The following ANKRD27 variants were observed in gnomAD, a reference collection of about 807,000 sequenced individuals.
The protein encoded by ANKRD27 is ankyrin repeat domain 27, also known as ankyrin repeat domain-containing protein 27.
In ANKRD27, 112 loss-of-function variants were observed where a neutral mutation model predicts 129.7. The ratio of observed to expected loss-of-function variants is 0.86; its 90% CI spans 0.74 to 1.01. The LOEUF is 1.01. Ranked by LOEUF, ANKRD27 falls within the 50% of genes least tolerant of loss-of-function variation. The pLI, the probability that ANKRD27 is intolerant of heterozygous loss-of-function variation, is 0.00. For synonymous variants in ANKRD27, 516 were observed against 511.2 expected (o/e 1.01, Z -0.13); for missense variants, 1,258 against 1,300.5 (o/e 0.97, Z 0.50).
At chr19:32,599,639 T>C (rs1971620976) in intron 28 of ANKRD27, 65 bp downstream of exon 28, 6 of 1,433,154 alleles carry the variant, frequency 4.2e-6, no homozygotes, top group East Asian at 4.5e-5. Flanking sequence ...GTGTTTACCA[T>C]GGATTACTTT....
rs3760944 is a variant in ANKRD27 at position 32,640,226 on chromosome 19, G to A, written c.983+81C>T. ...GATCCGCCCGCCTTGGCCTCCCAAA[G>A]TGCTGGGATTACAGGCGTGAGCCAC... On this transcript the variant is annotated intron_variant, in intron 11 of 28. Transcript: ENST00000306065. 722 of 1,140,776 alleles carry A rather than the reference G, an allele frequency of 6.3e-4. 9 individuals are homozygous for A. In the East Asian group the frequency reaches 0.016, roughly 25 times the overall value. The allele number at this position is 1,140,776 out of a possible 1,614,324, so 70.7% of individuals were successfully genotyped here. A position where few individuals can be genotyped will look rare whatever the true frequency, so the allele number is the denominator to read the frequency against.
At chr19:32,606,265 G>A (rs2145259704) in intron 23 of ANKRD27, among the ~76,000 whole-genome samples, 1 of 150,584 alleles carries the variant, frequency 6.6e-6, no homozygotes, top group South Asian at 2.1e-4. Context: ...TGATTCTCAC[G>A]CCTCAGCCTC....
At chr19:32,649,108 A>T (rs1967360681) in intron 3 of ANKRD27, among the ~76,000 whole-genome samples, 1 of 151,912 alleles carries the variant, frequency 6.6e-6, no homozygotes, top group South Asian at 2.1e-4. Flanking sequence ...CTAGGACTAG[A>T]AGCACGCACC....
At chr19:32,639,159 C>T in intron 12 of ANKRD27, 197 bp downstream of exon 12, 1 of 605,420 alleles carries the variant, frequency 1.7e-6, no homozygotes, top group Non-Finnish European at 2.8e-6. Flanking sequence ...AATGATAACC[C>T]ACCAATTTTT....
At chr19:32,644,895 T>C (rs1193566165) in intron 4 of ANKRD27, among the ~76,000 whole-genome samples, 2 of 152,196 alleles carry the variant, frequency 1.3e-5, no homozygotes, top group Non-Finnish European at 2.9e-5. Flanking sequence ...CTGCTTTGCA[T>C]AACTCATGGG....
intron 28 of ANKRD27, 33 bp from the exon 29 acceptor site, chr19:32,598,411 T>A: frequency 6.2e-7 from 1 of 1,604,568 alleles, no homozygotes; most frequent in Non-Finnish European, 8.5e-7. Flanking sequence ...ACCGTTGACG[T>A]CCTCACTGTA....
intron 1 of ANKRD27, among the ~76,000 whole-genome samples, chr19:32,659,328 C>T (rs372498307): frequency 6.6e-6 from 1 of 151,926 alleles, no homozygotes; most frequent in Admixed American, 6.6e-5. Context: ...GTGATCTGCC[C>T]GCCTCAGCCT....
At position 32,639,456 on chromosome 19, in the gene ANKRD27, C is replaced by G; in HGVS notation, c.1016G>C (p.Arg339Thr). The G allele has an allele frequency of 6.2e-7, 1 of 1,613,672 alleles. No individual in the cohort carries two copies. The highest frequency in any genetic ancestry group is 1.1e-5 in the South Asian group (1 of 90,944). Residue 339 changes from arginine to threonine, a missense_variant, in exon 12 of 29, where the codon AGG becomes ACG. Coordinates refer to ENST00000306065, the MANE Select transcript of ANKRD27 (RefSeq NM_032139.3). ...TTCATCCTTTGCCAAGCTGCTAAAC[C>G]TGAAGTTTTTGATGTAACTCAAATT... ...MANLSYIKNF[R>T]FSSLAKDELG...
intron 1 of ANKRD27, 21 bp from the exon 2 acceptor site, chr19:32,659,066 G>C: frequency 8.0e-7 from 1 of 1,254,522 alleles, no homozygotes. Context: ...GGAGGGAAAA[G>C]CAGTGAATAG....
At chr19:32,634,572 C>T (rs1460363873) in intron 12 of ANKRD27, among the ~76,000 whole-genome samples, 1 of 152,192 alleles carries the variant, frequency 6.6e-6, no homozygotes, top group African/African-American at 2.4e-5. Context: ...GGCATCCTTA[C>T]ACCCCAGATG....
At chr19:32,622,711 G>A (rs1972032305) in intron 17 of ANKRD27, 92 bp from the exon 18 acceptor site, 2 of 1,168,836 alleles carry the variant, frequency 1.7e-6, no homozygotes, top group Admixed American at 3.5e-5. Flanking sequence ...AAGCAAATGT[G>A]CAGTAACAGA....
chr19:32,644,592 A>G, intron 4 of ANKRD27, 113 bp from the exon 5 acceptor site: 1 of 1,246,410 alleles, frequency 8.0e-7, no homozygotes, highest in Non-Finnish European at 1.1e-6. Context: ...CCTTATTTCA[A>G]GACACTACAC....
intron 2 of ANKRD27, chr19:32,655,123 T>C (rs1340427333): frequency 1.3e-5 from 2 of 152,330 alleles, no homozygotes; most frequent in African/African-American, 4.8e-5. Context: ...AGCATGGCAG[T>C]GTTCACCCCT....
intron 3 of ANKRD27, among the ~76,000 whole-genome samples, chr19:32,649,475 A>G (rs259238): frequency 0.75 from 114,185 of 151,902 alleles, 43,694 homozygotes; most frequent in African/African-American, 0.9. Context: ...GGCCTCCAAG[A>G]CAGCAGCTGG....
intron 1 of ANKRD27, among the ~76,000 whole-genome samples, chr19:32,673,738 G>C (rs914950446): frequency 1.8e-4 from 27 of 152,126 alleles, no homozygotes; most frequent in African/African-American, 5.8e-4. Flanking sequence ...CCAGCCTACT[G>C]CTCACCCAGT....
chr19:32,605,352 A>G (rs1971715831), intron 24 of ANKRD27, among the ~76,000 whole-genome samples: 1 of 152,234 alleles, frequency 6.6e-6, no homozygotes, highest in Non-Finnish European at 1.5e-5. Flanking sequence ...TGGGCCACAG[A>G]GCAAGACCTT....
intron 22 of ANKRD27, among the ~76,000 whole-genome samples, chr19:32,610,768 G>A (rs1306323456): frequency 1.3e-5 from 2 of 152,094 alleles, no homozygotes; most frequent in Non-Finnish European, 2.9e-5. Flanking sequence ...CTCCAGCCTG[G>A]GCGACAGAGG....
chr19:32,628,073 G>T lies in ANKRD27; in HGVS notation c.1420+10C>A. On this transcript the variant is annotated intron_variant, in intron 15 of 28. Transcript: ENST00000306065. ...TGACAGCCCCTAGGGGCCAGCCCAG[G>T]ACCACATACCACAGACAGCAGCCAC... 1 of 1,613,850 alleles carries T rather than the reference G, an allele frequency of 6.2e-7. No homozygotes were observed. Among genetic ancestry groups the T allele is most frequent in the South Asian group, 1.1e-5 (1 of 91,070 alleles).
At chr19:32,598,447 C>T in intron 28 of ANKRD27, 69 bp from the exon 29 acceptor site, 1 of 1,453,788 alleles carries the variant, frequency 6.9e-7, no homozygotes, top group Non-Finnish European at 9.6e-7. Flanking sequence ...ATGACAGTGA[C>T]AGCTGCCCCT....
Sources: gnomAD v4.1 joint callset for allele counts (sites outside exome capture counted in the v4.1 genomes callset) on GRCh38, gnomAD v4.1.1 for gene constraint, MANE v1.5 for transcripts, NCBI Gene and HGNC (gene_info 2026-07-23, HGNC 2026-07-21) for gene names.